Variants in FGF14 observed in about 807,000 individuals in gnomAD.
FGF14 encodes the protein fibroblast growth factor 14, also known as fibroblast growth factor homologous factor 4.
FGF14 carries 5 observed loss-of-function variants against 25.5 expected under a neutral mutation model. The observed-to-expected ratio is 0.20, with a 90% CI of 0.10 to 0.41. The LOEUF is 0.41. Ranked by LOEUF, FGF14 falls within the 10% of genes least tolerant of loss-of-function variation. The probability of loss-of-function intolerance (pLI) is 1.00; values close to 1 mark genes in which losing one functional copy is unlikely to be tolerated. For synonymous variants in FGF14, 138 were observed against 118.3 expected, an observed-to-expected ratio of 1.17 and a Z score of -1.08; for missense variants, 222 against 320.1, an observed-to-expected ratio of 0.69 and a Z score of 2.34.
chr13:101,962,006 A>G (rs1440923255), intron 1 of FGF14, among the ~76,000 whole-genome samples: 1 of 152,050 alleles, frequency 6.6e-6, no homozygotes, highest in Admixed American at 6.6e-5. Flanking sequence ...TGATGCCTCC[A>G]GCTTTGTTCT....
chr13:102,228,560 C>T (rs1454023527), intron 1 of FGF14, among the ~76,000 whole-genome samples: 1 of 152,162 alleles, frequency 6.6e-6, no homozygotes, highest in Non-Finnish European at 1.5e-5. Context: ...ATTATACTAA[C>T]ATTATCTGTA....
chr13:101,868,058 G>T (rs1332062029), intron 3 of FGF14, among the ~76,000 whole-genome samples: 2 of 152,052 alleles, frequency 1.3e-5, no homozygotes, highest in Non-Finnish European at 2.9e-5. Flanking sequence ...ATGCATTTAA[G>T]ACTTTATCAA....
chr13:102,011,270 T>G (rs902367453), intron 1 of FGF14, among the ~76,000 whole-genome samples: 1 of 152,184 alleles, frequency 6.6e-6, no homozygotes, highest in African/African-American at 2.4e-5. Context: ...CTCCTGGAGC[T>G]TCCAACAAAA....
At chr13:102,120,882 T>G (rs1399833668) in intron 1 of FGF14, among the ~76,000 whole-genome samples, 1 of 152,104 alleles carries the variant, frequency 6.6e-6, no homozygotes, top group Non-Finnish European at 1.5e-5. Context: ...TTTTGTATTT[T>G]TAGTAGAGAC....
chr13:102,352,761 G>C (rs984530388), intron 1 of FGF14, among the ~76,000 whole-genome samples: 1 of 147,786 alleles, frequency 6.8e-6, no homozygotes, highest in African/African-American at 2.5e-5. Flanking sequence ...GCAGTGAGCC[G>C]AGATCGCGCC....
At chr13:101,888,444 G>T (rs759564215) in intron 1 of FGF14, among the ~76,000 whole-genome samples, 55 of 152,124 alleles carry the variant, frequency 3.6e-4, no homozygotes, top group Non-Finnish European at 2.8e-4. Flanking sequence ...ATATATACAT[G>T]AATGTGTGTG....
chr13:101,754,807 T>C (rs1049791507), intron 3 of FGF14, among the ~76,000 whole-genome samples: 1 of 152,136 alleles, frequency 6.6e-6, no homozygotes, highest in Non-Finnish European at 1.5e-5. Context: ...AAATGGAGAA[T>C]CTGAAAATCC....
intron 1 of FGF14, among the ~76,000 whole-genome samples, chr13:102,104,052 A>C (rs1440672567): frequency 6.6e-6 from 1 of 152,206 alleles, no homozygotes; most frequent in East Asian, 1.9e-4. Flanking sequence ...GATATCGAGC[A>C]GGCGTGACCT....
intron 1 of FGF14, among the ~76,000 whole-genome samples, chr13:102,079,001 A>G (rs1304912460): frequency 6.6e-6 from 1 of 152,088 alleles, no homozygotes; most frequent in African/African-American, 2.4e-5. Context: ...CAGGAAGAAA[A>G]CCCAACAGAC....
chr13:101,991,759 A>C (rs1162685580), intron 1 of FGF14, among the ~76,000 whole-genome samples: 2 of 152,088 alleles, frequency 1.3e-5, no homozygotes, highest in Non-Finnish European at 2.9e-5. Context: ...CTGAAGACTC[A>C]ATGTGGACCA....
At chr13:102,337,367 G>T (rs2056816975) in intron 1 of FGF14, among the ~76,000 whole-genome samples, 1 of 152,160 alleles carries the variant, frequency 6.6e-6, no homozygotes. Flanking sequence ...ATTAGAATTA[G>T]AAGTGGAGCC....
rs112789825 is a variant in FGF14, at chr13:102,401,210, TA to T, written c.208+260del. ...ACCAAACATAGGCAACCAAATACAT[TA>T]AAAAAAAAAAAAAAGTTTCCTCCTC... is the stretch of plus-strand genomic sequence containing the variant. On this transcript the variant is annotated intron_variant, in intron 1 of 4. Transcript: ENST00000376131. 0.038 allele frequency among the ~76,000 whole-genome samples: 5,184 copies of T among 136,190 alleles called. 81 individuals carry two copies. The highest frequency in any genetic ancestry group is 0.049 in the South Asian group (206 of 4,220). 89.3% of individuals were successfully genotyped at this position (136,190 alleles called of 152,430 possible). A position where few individuals can be genotyped will look rare whatever the true frequency, so the allele number is the denominator to read the frequency against.
intron 1 of FGF14, among the ~76,000 whole-genome samples, chr13:102,261,945 G>A (rs1002358208): frequency 2.6e-5 from 4 of 152,134 alleles, no homozygotes; most frequent in Admixed American, 6.5e-5. Flanking sequence ...GTATCAGGAC[G>A]CATGGAGAAA....
intron 1 of FGF14, among the ~76,000 whole-genome samples, chr13:102,277,040 T>C (rs1031860352): frequency 3.3e-5 from 5 of 152,214 alleles, no homozygotes; most frequent in Non-Finnish European, 7.3e-5. Context: ...ACTTTCATCA[T>C]TTTAAATTGT....
intron 3 of FGF14, among the ~76,000 whole-genome samples, chr13:101,793,857 T>C (rs2040373402): frequency 6.6e-6 from 1 of 152,086 alleles, no homozygotes; most frequent in Non-Finnish European, 1.5e-5. Flanking sequence ...ACATTTTATT[T>C]TGAAAATAAT....
At chr13:102,205,282 A>G (rs1356595449) in intron 1 of FGF14, among the ~76,000 whole-genome samples, 2 of 152,198 alleles carry the variant, frequency 1.3e-5, no homozygotes, top group East Asian at 3.9e-4. Context: ...TCTAATATTG[A>G]CCTTACAAAA....
chr13:101,751,718 G>A (rs1337788035), intron 3 of FGF14, among the ~76,000 whole-genome samples: 1 of 152,070 alleles, frequency 6.6e-6, no homozygotes, highest in East Asian at 1.9e-4. Context: ...TGTTTTTGAC[G>A]TCCAAACGCA....
intron 1 of FGF14, among the ~76,000 whole-genome samples, chr13:102,326,688 GGGAA>G (rs2056443215): frequency 1.7e-4 from 10 of 58,322 alleles, no homozygotes; most frequent in Non-Finnish European, 3.2e-4. Flanking sequence ...GGGAAGGGAA[GGGAA>G]GGGAAGGAAG....
upstream of FGF14, among the ~76,000 whole-genome samples, chr13:101,920,987 T>G (rs1368555232): frequency 6.6e-6 from 1 of 152,152 alleles, no homozygotes; most frequent in African/African-American, 2.4e-5. Context: ...GCTATGATCC[T>G]TTTGGTCCTC....
Sources: gnomAD v4.1 joint callset for allele counts (sites outside exome capture counted in the v4.1 genomes callset) on GRCh38, gnomAD v4.1.1 for gene constraint, MANE v1.5 for transcripts, NCBI Gene and HGNC (gene_info 2026-07-23, HGNC 2026-07-21) for gene names.